CACNA2D3: variants seen among roughly 807,000 people sequenced by gnomAD.
CACNA2D3 encodes the protein calcium voltage-gated channel auxiliary subunit alpha2delta 3.
CACNA2D3 carries 60 observed loss-of-function variants against 160.6 expected under a neutral mutation model. The ratio of observed to expected loss-of-function variants is 0.37; its 90% confidence interval spans 0.30 to 0.46. The LOEUF (loss-of-function observed/expected upper bound fraction) is 0.46, where lower values mean the gene tolerates loss of function less well. CACNA2D3 is among the 20% of genes least tolerant of loss of function. The pLI is 1.00. For synonymous variants in CACNA2D3, 558 were observed against 492.9 expected (o/e 1.13, Z -1.75); for missense variants, 1,205 against 1,365.0 (o/e 0.88, Z 1.85).
At chr3:54,818,596 C>T (rs1703515613) in intron 14 of CACNA2D3, among the ~76,000 whole-genome samples, 1 of 152,348 alleles carries the variant, frequency 6.6e-6, no homozygotes, top group East Asian at 1.9e-4. Context: ...CTTCTGTCAT[C>T]ATATATTGAC....
chr3:55,060,031 A>G (rs1447156018), intron 35 of CACNA2D3, among the ~76,000 whole-genome samples: 1 of 152,010 alleles, frequency 6.6e-6, no homozygotes, highest in Non-Finnish European at 1.5e-5. Context: ...TTTGGGTGCA[A>G]AAACAGGAAT....
intron 14 of CACNA2D3, 105 bp from the exon 15 acceptor site, chr3:54,837,054 C>A: frequency 1.1e-6 from 1 of 951,930 alleles, no homozygotes; most frequent in Admixed American, 1.8e-5. Flanking sequence ...ACTGTTCCAT[C>A]TCAACAGCCC....
intron 5 of CACNA2D3, among the ~76,000 whole-genome samples, chr3:54,534,034 C>G (rs1455013531): frequency 6.6e-6 from 1 of 152,168 alleles, no homozygotes; most frequent in Non-Finnish European, 1.5e-5. Context: ...TCCTGTCCCA[C>G]CAGAAGTCTG....
At chr3:54,442,130 T>C (rs541399995) in intron 4 of CACNA2D3, among the ~76,000 whole-genome samples, 52 of 152,268 alleles carry the variant, frequency 3.4e-4, no homozygotes, top group Non-Finnish European at 7.4e-4. Context: ...ATTGTTGATA[T>C]GGACTTAAGT....
chr3:55,071,262 TA>T (rs1704798477), intron 35 of CACNA2D3, among the ~76,000 whole-genome samples: 1 of 152,152 alleles, frequency 6.6e-6, no homozygotes, highest in African/African-American at 2.4e-5. Context: ...ACAAACATCA[TA>T]ATGTTTATAA....
chr3:54,772,474 A>G (rs533541828), intron 13 of CACNA2D3, among the ~76,000 whole-genome samples: 2 of 150,728 alleles, frequency 1.3e-5, no homozygotes, highest in Non-Finnish European at 3.0e-5. Flanking sequence ...AGAGCCAATC[A>G]TTGCATTTAA....
intron 2 of CACNA2D3, among the ~76,000 whole-genome samples, chr3:54,232,781 CA>C (rs1203013308): frequency 1.3e-4 from 20 of 152,182 alleles, no homozygotes; most frequent in African/African-American, 4.8e-4. Context: ...AACAAAGTTA[CA>C]GACTTTAAAT....
intron 13 of CACNA2D3, among the ~76,000 whole-genome samples, chr3:54,810,958 A>T (rs1220354493): frequency 6.6e-6 from 1 of 152,020 alleles, no homozygotes; most frequent in African/African-American, 2.4e-5. Context: ...TGCCTCACCT[A>T]TTGTTCCTCA....
intron 11 of CACNA2D3, among the ~76,000 whole-genome samples, chr3:54,716,016 G>T (rs747760988): frequency 7.9e-5 from 12 of 151,854 alleles, no homozygotes; most frequent in South Asian, 2.1e-4. Context: ...TAATTTGATT[G>T]TAATAATCAT....
chr3:54,541,093 T>A (rs138608602), intron 5 of CACNA2D3, among the ~76,000 whole-genome samples: 47 of 151,810 alleles, frequency 3.1e-4, no homozygotes, highest in Non-Finnish European at 4.6e-4. Flanking sequence ...CTGGCTAACA[T>A]GGTGAAACCC....
intron 5 of CACNA2D3, among the ~76,000 whole-genome samples, chr3:54,506,916 T>C (rs1701380041): frequency 6.6e-6 from 1 of 152,226 alleles, no homozygotes. Flanking sequence ...CAGATAAAGC[T>C]GAACTCTTTT....
At position 54,678,720 on chromosome 3, in the gene CACNA2D3, C is replaced by CAAAAAAAAAAAA. The variant is rs71096434; in HGVS notation, c.1167+36497_1167+36508dup. ...TGGGTGACAGAGTGAGACTCGGTCT[C>CAAAAAAAAAAAA]AAAAAAAAAAAAAAAAAAAAAAAAA... On this transcript the variant is annotated intron_variant, in intron 11 of 37. Coordinates refer to ENST00000474759, the MANE Select transcript of CACNA2D3 (RefSeq NM_018398.3). Among the ~76,000 whole-genome samples, 119 of 45,924 alleles carry CAAAAAAAAAAAA rather than the reference C, an allele frequency of 2.6e-3. 21 individuals are homozygous for CAAAAAAAAAAAA. The highest frequency in any genetic ancestry group is 3.8e-3 in the Admixed American group (9 of 2,392). 30.1% of individuals were successfully genotyped at this position (45,924 alleles called of 152,430 possible). A position where few individuals can be genotyped will look rare whatever the true frequency, so the allele number is the denominator to read the frequency against.
chr3:54,817,568 T>C (rs988832233), intron 14 of CACNA2D3, among the ~76,000 whole-genome samples: 2 of 152,254 alleles, frequency 1.3e-5, no homozygotes, highest in East Asian at 3.8e-4. Context: ...ATTGTTCTTG[T>C]GTGTTTCACA....
intron 11 of CACNA2D3, among the ~76,000 whole-genome samples, chr3:54,706,340 GTTC>G (rs1278293143): frequency 6.6e-6 from 1 of 152,166 alleles, no homozygotes; most frequent in African/African-American, 2.4e-5. Flanking sequence ...AGTCGTGGCA[GTTC>G]TTAACAGTGT....
At chr3:54,909,099 A>G (rs947193814) in intron 27 of CACNA2D3, among the ~76,000 whole-genome samples, 1 of 152,230 alleles carries the variant, frequency 6.6e-6, no homozygotes, top group African/African-American at 2.4e-5. Flanking sequence ...GAGGTTGTGC[A>G]TCGGTAGTGC....
intron 13 of CACNA2D3, among the ~76,000 whole-genome samples, chr3:54,780,037 A>G (rs1164614429): frequency 6.6e-6 from 1 of 152,172 alleles, no homozygotes; most frequent in Non-Finnish European, 1.5e-5. Flanking sequence ...ACTGTGCACT[A>G]CAGTTTGTTT....
rs140311356 is a variant in CACNA2D3 at position 54,306,328 on chromosome 3, T to TGAGAGA, written c.205-14103_205-14098dup. Among the ~76,000 whole-genome samples the TGAGAGA allele has an allele frequency of 2.6e-5, 4 of 151,332 alleles. No homozygotes were observed. In the South Asian group the frequency reaches 8.4e-4, roughly 32 times the overall value. On this transcript the variant is annotated intron_variant, in intron 2 of 37. Coordinates refer to ENST00000474759, the MANE Select transcript of CACNA2D3 (RefSeq NM_018398.3). ...CATTGTCATTTTATGTGTGTGTATATGAGAGAGAGAGAGAGAAGTATTAGT... is the reference window on the plus strand; with the variant it reads ...CATTGTCATTTTATGTGTGTGTATATGAGAGAGAGAGAGAGAGAGAGAAGTATTAGT...
rs1476648387 is a variant in CACNA2D3, at chr3:54,885,508, C to T, written c.1978C>T (p.Leu660=). Residue 660 remains leucine (L), a synonymous_variant, in exon 23 of 38, where the codon CTA becomes TTA. Coordinates refer to ENST00000474759, the MANE Select transcript of CACNA2D3 (RefSeq NM_018398.3). The part of the protein sequence containing the change: ...ADEWSYCNTD[L]HPEHRHLSQL... ...TCTTAGGTCCTACTGCAACACTGACCTACACCCTGAGCACCGCCATCTGTC... is the reference window on the plus strand; with the variant it reads ...TCTTAGGTCCTACTGCAACACTGACTTACACCCTGAGCACCGCCATCTGTC... 5 of 1,613,758 alleles carry T rather than the reference C, an allele frequency of 3.1e-6. No homozygotes were observed. Among genetic ancestry groups the T allele is most frequent in the Non-Finnish European group, 4.2e-6 (5 of 1,179,788 alleles).
intron 5 of CACNA2D3, among the ~76,000 whole-genome samples, chr3:54,522,762 A>G (rs1003537855): frequency 6.6e-6 from 1 of 152,104 alleles, no homozygotes; most frequent in African/African-American, 2.4e-5. Flanking sequence ...GCAAACCACT[A>G]TTTTGATAAT....
Sources: gnomAD v4.1 joint callset for allele counts (sites outside exome capture counted in the v4.1 genomes callset) on GRCh38, gnomAD v4.1.1 for gene constraint, MANE v1.5 for transcripts, NCBI Gene and HGNC (gene_info 2026-07-23, HGNC 2026-07-21) for gene names.